The following PLD5 variants were observed in gnomAD, a reference collection of about 807,000 sequenced individuals.
PLD5 encodes the protein phospholipase D family member 5, also known as inactive phospholipase D5.
In PLD5, 36 loss-of-function variants were observed where a neutral mutation model predicts 61.1. The observed-to-expected ratio is 0.59, with a 90% CI of 0.45 to 0.78. The LOEUF (loss-of-function observed/expected upper bound fraction) is 0.78. PLD5 is among the 30% of genes least tolerant of loss of function. PLD5 has a pLI of 0.00. For synonymous variants in PLD5, 243 were observed against 242.8 expected (o/e 1.00, Z -0.01); for missense variants, 515 against 644.4 (o/e 0.80, Z 2.17).
intron 5 of PLD5, among the ~76,000 whole-genome samples, chr1:242,147,244 G>C (rs1279185336): frequency 6.6e-6 from 1 of 152,024 alleles, no homozygotes; most frequent in African/African-American, 2.4e-5. Context: ...TAAGAATGTC[G>C]TATAAACTGA....
In PLD5 at chr1:242,329,520, CG is replaced by C. The variant is rs564161712; in HGVS notation, c.326+18585del. On this transcript the variant is annotated intron_variant, in intron 2 of 9. Transcript: ENST00000536534. ...TGGTCATCTCCACTCAGGTGATCCACGGGACACTACCATATTCAAAATAGAA... is the reference window on the plus strand; with the variant it reads ...TGGTCATCTCCACTCAGGTGATCCACGGACACTACCATATTCAAAATAGAA... Among the ~76,000 whole-genome samples the C allele has an allele frequency of 2.6e-3, 389 of 152,254 alleles. 3 individuals carry two copies. Among genetic ancestry groups the C allele is most frequent in the Non-Finnish European group, 2.2e-3 (151 of 68,016 alleles).
intron 1 of PLD5, among the ~76,000 whole-genome samples, chr1:242,447,825 G>T (rs1161345062): frequency 6.6e-6 from 1 of 152,160 alleles, no homozygotes; most frequent in Non-Finnish European, 1.5e-5. Context: ...TACTGTAAGA[G>T]AATATCACTA....
chr1:242,192,956 C>T (rs1177576583), intron 5 of PLD5, among the ~76,000 whole-genome samples: 1 of 151,854 alleles, frequency 6.6e-6, no homozygotes, highest in Non-Finnish European at 1.5e-5. Context: ...CTCTCTGCCC[C>T]CACCCCAATA....
intron 1 of PLD5, among the ~76,000 whole-genome samples, chr1:242,403,383 T>A (rs577222614): frequency 3.3e-5 from 5 of 151,672 alleles, no homozygotes; most frequent in South Asian, 4.2e-4. Context: ...AATTGGGGGG[T>A]CATCAATACC....
chr1:242,173,291 C>G lies in PLD5; in HGVS notation c.735+46697G>C, dbSNP rs550578704. Among the ~76,000 whole-genome samples the G allele has an allele frequency of 5.3e-5, 8 of 152,266 alleles. 1 individual carries two copies. The South Asian group carries it at 1.7e-3, about 32-fold the overall frequency. ...AGAGAGCCAAATCATGAGTAAACTCCCATTCACAATTGCTTCAAAGAGAAT... is the reference window on the plus strand; with the variant it reads ...AGAGAGCCAAATCATGAGTAAACTCGCATTCACAATTGCTTCAAAGAGAAT... On this transcript the variant is annotated intron_variant, in intron 5 of 9. Coordinates refer to ENST00000536534, the MANE Select transcript of PLD5 (RefSeq NM_001372062.1).
chr1:242,148,920 G>T (rs547431500), intron 5 of PLD5, among the ~76,000 whole-genome samples: 1 of 151,638 alleles, frequency 6.6e-6, no homozygotes, highest in South Asian at 2.1e-4. Context: ...CTTTTTAATA[G>T]ATTCTTTGGG....
intron 1 of PLD5, among the ~76,000 whole-genome samples, chr1:242,503,719 G>A (rs1668630718): frequency 6.6e-6 from 1 of 152,140 alleles, no homozygotes; most frequent in Non-Finnish European, 1.5e-5. Context: ...GAGGCCTTAA[G>A]AAGCATTTCA....
intron 9 of PLD5, among the ~76,000 whole-genome samples, chr1:242,099,474 T>G (rs769454122): frequency 6.6e-6 from 1 of 152,144 alleles, no homozygotes; most frequent in Non-Finnish European, 1.5e-5. Flanking sequence ...AATGTGATAT[T>G]GAAAATGGAA....
chr1:242,163,432 T>C (rs537811523), intron 5 of PLD5, among the ~76,000 whole-genome samples: 25 of 152,080 alleles, frequency 1.6e-4, no homozygotes, highest in South Asian at 8.3e-4. Flanking sequence ...CGTGAGCCAC[T>C]GCACCCAGCT....
chr1:242,255,558 T>C (rs566631246), intron 4 of PLD5, among the ~76,000 whole-genome samples: 1 of 152,372 alleles, frequency 6.6e-6, no homozygotes, highest in African/African-American at 2.4e-5. Flanking sequence ...GTAAATAACC[T>C]GCACGTTGTG....
At chr1:242,215,905 G>C (rs1031944798) in intron 5 of PLD5, among the ~76,000 whole-genome samples, 5 of 152,258 alleles carry the variant, frequency 3.3e-5, no homozygotes, top group African/African-American at 1.2e-4. Flanking sequence ...ACCTGTACCT[G>C]CTACACTCTA....
chr1:242,102,989 C>T (rs914675526), intron 8 of PLD5, among the ~76,000 whole-genome samples: 2 of 152,158 alleles, frequency 1.3e-5, no homozygotes, highest in African/African-American at 4.8e-5. Context: ...ATTTCACGCC[C>T]TAGAAGTTTT....
At chr1:242,391,347 T>C (rs1212611180) in intron 1 of PLD5, among the ~76,000 whole-genome samples, 2 of 152,204 alleles carry the variant, frequency 1.3e-5, no homozygotes, top group Non-Finnish European at 2.9e-5. Flanking sequence ...AGTATCACTA[T>C]AATGCGGTAA....
At chr1:242,172,051 C>G (rs1356849931) in intron 5 of PLD5, among the ~76,000 whole-genome samples, 5 of 152,222 alleles carry the variant, frequency 3.3e-5, no homozygotes, top group African/African-American at 7.2e-5. Flanking sequence ...ATCTACAGAA[C>G]TCTCCACCCC....
intron 1 of PLD5, among the ~76,000 whole-genome samples, chr1:242,372,934 T>C (rs1661721788): frequency 1.3e-5 from 2 of 152,126 alleles, no homozygotes; most frequent in African/African-American, 2.4e-5. Flanking sequence ...AAAGCCAGAA[T>C]TGACAAATGG....
intron 2 of PLD5, among the ~76,000 whole-genome samples, chr1:242,325,432 TG>T (rs1189443037): frequency 2.1e-4 from 4 of 19,430 alleles, no homozygotes; most frequent in Non-Finnish European, 3.9e-4. Flanking sequence ...GAGAAAGGGG[TG>T]GGGGGGAGAG....
rs1431950827 is a variant in PLD5 at position 242,107,850 on chromosome 1, C to A, written c.1071-11G>T. ...TCTGGCCAGTAAGTCCTGCAGAAATCATATCCAAATAGAAAAAATAAACTA... is the reference window on the plus strand; with the variant it reads ...TCTGGCCAGTAAGTCCTGCAGAAATAATATCCAAATAGAAAAAATAAACTA... On this transcript the variant is annotated splice_polypyrimidine_tract_variant and intron_variant, in intron 7 of 9. Transcript: ENST00000536534. 6.4e-7 allele frequency: 1 copy of A among 1,573,258 alleles called. No homozygotes were observed. Among genetic ancestry groups the A allele is most frequent in the Non-Finnish European group, 8.6e-7 (1 of 1,165,114 alleles).
chr1:242,470,303 C>T (rs185153186), intron 1 of PLD5, among the ~76,000 whole-genome samples: 2 of 150,376 alleles, frequency 1.3e-5, no homozygotes, highest in African/African-American at 2.5e-5. Context: ...GATCGCACCA[C>T]TGCACTCCAG....
At chr1:242,186,788 T>C (rs1667931012) in intron 5 of PLD5, among the ~76,000 whole-genome samples, 1 of 152,180 alleles carries the variant, frequency 6.6e-6, no homozygotes, top group Admixed American at 6.5e-5. Flanking sequence ...GATTATGCAG[T>C]TTAGTCATGG....
Sources: gnomAD v4.1 joint callset for allele counts (sites outside exome capture counted in the v4.1 genomes callset) on GRCh38, gnomAD v4.1.1 for gene constraint, MANE v1.5 for transcripts, NCBI Gene and HGNC (gene_info 2026-07-23, HGNC 2026-07-21) for gene names.